Variants in VTI1A observed in about 807,000 individuals in gnomAD.
VTI1A encodes the protein vesicle transport through interaction with t-SNAREs homolog 1A.
A neutral mutation model predicts 34.9 loss-of-function variants in VTI1A; 22 were observed. The ratio of observed to expected loss-of-function variants is 0.63; its 90% CI spans 0.45 to 0.90. The LOEUF (loss-of-function observed/expected upper bound fraction) is 0.90, where lower values mean the gene tolerates loss of function less well. Among genes scored for constraint, VTI1A ranks in the 40% least tolerant of loss-of-function variants. The probability of loss-of-function intolerance (pLI) is 0.00; values close to 1 mark genes in which losing one functional copy is unlikely to be tolerated. For synonymous variants in VTI1A, 87 were observed against 97.3 expected, an observed-to-expected ratio of 0.89 and a Z score of 0.62; for missense variants, 268 against 275.6, an observed-to-expected ratio of 0.97 and a Z score of 0.20.
At chr10:112,725,844 T>C (rs1850002581) in intron 7 of VTI1A, among the ~76,000 whole-genome samples, 1 of 152,208 alleles carries the variant, frequency 6.6e-6, no homozygotes, top group African/African-American at 2.4e-5. Context: ...ATCTATTTTA[T>C]AGGTGTCCAT....
At chr10:112,486,142 A>G (rs1848618528) in intron 3 of VTI1A, among the ~76,000 whole-genome samples, 1 of 152,182 alleles carries the variant, frequency 6.6e-6, no homozygotes, top group Non-Finnish European at 1.5e-5. Context: ...CTAAGATCAA[A>G]CAGTTTAGAA....
chr10:112,597,693 C>CT lies in VTI1A; in HGVS notation c.427+59385dup, dbSNP rs1180451909. 2.0e-3 allele frequency among the ~76,000 whole-genome samples: 182 copies of CT among 90,624 alleles called. 9 individuals carry two copies. Among genetic ancestry groups the CT allele is most frequent in the South Asian group, 6.9e-3 (17 of 2,468 alleles). 59.5% of individuals were successfully genotyped at this position (90,624 alleles called of 152,430 possible). A position where few individuals can be genotyped will look rare whatever the true frequency, so the allele number is the denominator to read the frequency against. ...TGGGCAACATAGTGAGACCTTGTCT[C>CT]TTTTTTTTTTTTTTTTTTTTTTGAG... is the stretch of plus-strand genomic sequence containing the variant. On this transcript the variant is annotated intron_variant, in intron 5 of 7. Coordinates refer to ENST00000393077, the MANE Select transcript of VTI1A (RefSeq NM_145206.4).
intron 7 of VTI1A, among the ~76,000 whole-genome samples, chr10:112,672,440 C>T (rs775832052): frequency 1.3e-4 from 20 of 152,248 alleles, no homozygotes; most frequent in Non-Finnish European, 2.4e-4. Context: ...AATTTTTCTT[C>T]GATCCTGACA....
chr10:112,653,077 A>G (rs1312911135), intron 5 of VTI1A, among the ~76,000 whole-genome samples: 1 of 152,224 alleles, frequency 6.6e-6, no homozygotes, highest in Admixed American at 6.5e-5. Flanking sequence ...AATACCCTCT[A>G]GAGGTTTCCA....
chr10:112,562,770 G>T (rs1338846986), intron 5 of VTI1A, among the ~76,000 whole-genome samples: 3 of 152,042 alleles, frequency 2.0e-5, no homozygotes, highest in South Asian at 2.1e-4. Context: ...CTTCCCTGAG[G>T]CTGAACTGTT....
intron 3 of VTI1A, among the ~76,000 whole-genome samples, chr10:112,473,714 T>A (rs1017546449): frequency 2.6e-5 from 4 of 152,208 alleles, no homozygotes; most frequent in African/African-American, 9.6e-5. Context: ...TCAAATCACT[T>A]GTGTTCTTTC....
chr10:112,706,650 C>T (rs767664984), intron 7 of VTI1A, among the ~76,000 whole-genome samples: 4 of 152,206 alleles, frequency 2.6e-5, no homozygotes, highest in Non-Finnish European at 5.9e-5. Context: ...GTCTCTAGAG[C>T]TTCTCCCTCC....
intron 7 of VTI1A, among the ~76,000 whole-genome samples, chr10:112,797,763 G>A (rs944880576): frequency 1.3e-5 from 2 of 152,084 alleles, no homozygotes; most frequent in African/African-American, 4.8e-5. Flanking sequence ...GTCCCAAAAG[G>A]AATTAGAGCA....
chr10:112,479,587 G>A (rs1848397690), intron 3 of VTI1A, among the ~76,000 whole-genome samples: 1 of 152,170 alleles, frequency 6.6e-6, no homozygotes, highest in Non-Finnish European at 1.5e-5. Flanking sequence ...TCTTCTGAGA[G>A]CTGCACCAAG....
intron 7 of VTI1A, among the ~76,000 whole-genome samples, chr10:112,723,632 A>G (rs564120854): frequency 1.4e-4 from 21 of 152,348 alleles, no homozygotes; most frequent in African/African-American, 5.0e-4. Context: ...TGGTTTGGAA[A>G]GCATGGTTAC....
the VTI1A span, among the ~76,000 whole-genome samples, chr10:112,851,546 G>C: frequency 1.3e-5 from 2 of 152,166 alleles, no homozygotes; most frequent in African/African-American, 4.8e-5. Flanking sequence ...GGAAGTAAGG[G>C]GTGCCCCTTC....
intron 5 of VTI1A, among the ~76,000 whole-genome samples, chr10:112,649,908 A>G (rs1846945851): frequency 6.6e-6 from 1 of 152,230 alleles, no homozygotes. Flanking sequence ...CACCATGAAT[A>G]TGAATAGAGG....
chr10:112,714,066 C>T (rs1849522882), intron 7 of VTI1A, among the ~76,000 whole-genome samples: 1 of 152,128 alleles, frequency 6.6e-6, no homozygotes, highest in Non-Finnish European at 1.5e-5. Context: ...CCATCCAGGC[C>T]ATTCTGTTTC....
intron 7 of VTI1A, among the ~76,000 whole-genome samples, chr10:112,669,548 T>G (rs1847772879): frequency 6.6e-6 from 1 of 152,188 alleles, no homozygotes; most frequent in African/African-American, 2.4e-5. Context: ...CTACCTTGAT[T>G]GATGGAAAAT....
At chr10:112,768,235 T>A (rs1300668342) in intron 7 of VTI1A, among the ~76,000 whole-genome samples, 2 of 152,212 alleles carry the variant, frequency 1.3e-5, no homozygotes, top group Non-Finnish European at 2.9e-5. Flanking sequence ...TTTAGAGGCT[T>A]TGAGAGACAC....
At chr10:112,736,127 A>G (rs1403859922) in intron 7 of VTI1A, among the ~76,000 whole-genome samples, 3 of 145,076 alleles carry the variant, frequency 2.1e-5, no homozygotes, top group African/African-American at 7.7e-5. Context: ...ATATATATAT[A>G]TATATATATA....
intron 5 of VTI1A, among the ~76,000 whole-genome samples, chr10:112,666,879 T>G (rs1847659638): frequency 6.6e-6 from 1 of 152,152 alleles, no homozygotes; most frequent in African/African-American, 2.4e-5. Flanking sequence ...CTGAATTACC[T>G]TATTGAACTC....
chr10:112,533,852 GT>G lies in VTI1A; in HGVS notation c.343-4390del, dbSNP rs564501834. On this transcript the variant is annotated intron_variant, in intron 4 of 7. Coordinates refer to ENST00000393077, the MANE Select transcript of VTI1A (RefSeq NM_145206.4). The stretch of plus-strand genomic sequence containing the variant: ...TATCTTAAAACTCTACCTGAGTGTA[GT>G]TTTATTGTAGGCTGTAACTTCAAGT... Among the ~76,000 whole-genome samples the G allele has an allele frequency of 2.1e-4, 32 of 152,088 alleles. No homozygotes were observed. The South Asian group carries it at 6.0e-3, about 29-fold the overall frequency.
chr10:112,753,788 G>A (rs1208553666), intron 7 of VTI1A, among the ~76,000 whole-genome samples: 1 of 152,092 alleles, frequency 6.6e-6, no homozygotes, highest in African/African-American at 2.4e-5. Context: ...TTTCTCTCAC[G>A]GTTGGGAAAG....
Sources: allele counts gnomAD v4.1 joint callset (sites outside exome capture counted in the v4.1 genomes callset), GRCh38; gene constraint gnomAD v4.1.1; transcripts MANE v1.5; gene names NCBI Gene and HGNC (gene_info 2026-07-23, HGNC 2026-07-21).